Variants in USP35 observed in about 807,000 individuals in gnomAD.
USP35 encodes ubiquitin specific peptidase 35.
Under a neutral mutation model 83.8 loss-of-function variants are expected in USP35, and 69 were observed. The observed-to-expected ratio is 0.82, with a 90% CI of 0.68 to 1.01. The LOEUF is 1.01. USP35 is among the 50% of genes least tolerant of loss of function. The pLI, the probability that USP35 is intolerant of heterozygous loss-of-function variation, is 0.00. For synonymous variants in USP35, 714 were observed against 589.5 expected, an observed-to-expected ratio of 1.21 and a Z score of -3.06; for missense variants, 1,503 against 1,362.5, an observed-to-expected ratio of 1.10 and a Z score of -1.62.
intron 6 of USP35, among the ~76,000 whole-genome samples, chr11:78,202,530 A>C (rs1863386543): frequency 6.6e-6 from 1 of 152,236 alleles, no homozygotes; most frequent in South Asian, 2.1e-4. Flanking sequence ...CCATAAAGGT[A>C]AAGTTCTACT....
intron 10 of USP35, among the ~76,000 whole-genome samples, chr11:78,211,733 C>A (rs999974934): frequency 2.0e-5 from 3 of 152,178 alleles, no homozygotes; most frequent in African/African-American, 7.2e-5. Flanking sequence ...GTTTGTTGGC[C>A]ACATGAATGA....
chr11:78,213,636 G>C lies in USP35; in HGVS notation c.2890-10G>C, dbSNP rs998252569. On this transcript the variant is annotated splice_polypyrimidine_tract_variant and intron_variant, in intron 10 of 10. Transcript: ENST00000529308. ...TCTAAGTCTAAGTCTCCTCTCATCTGTGTTCCCAGGAGCAGGAGAAGGAGG... is the reference window on the plus strand; with the variant it reads ...TCTAAGTCTAAGTCTCCTCTCATCTCTGTTCCCAGGAGCAGGAGAAGGAGG... 1 of 1,476,694 alleles carries C rather than the reference G, an allele frequency of 6.8e-7. No homozygotes were observed. The highest frequency in any genetic ancestry group is 8.9e-7 in the Non-Finnish European group (1 of 1,119,134). 91.5% of individuals were successfully genotyped at this position (1,476,694 alleles called of 1,614,324 possible).
In USP35 at chr11:78,197,959, C is replaced by T. The variant is rs763644488; in HGVS notation, c.697C>T (p.Leu233=). The T allele has an allele frequency of 3.1e-6, 5 of 1,614,076 alleles. No individual in the cohort carries two copies. In the South Asian group the frequency reaches 5.5e-5, roughly 18 times the overall value. The change falls in exon 3 of 11, where the codon CTG becomes TTG. Residue 233 remains leucine (L), a synonymous_variant. Transcript: ENST00000529308. ...CAEEEPPSSA[L]ASVVQHLPLE... is the part of the protein sequence containing the mutation. Reference sequence around the variant, plus strand: ...AGAGGAGGAGCCACCATCTAGCGCCCTGGCCAGCGTGGTCCAGCACCTCCC... The same window carrying T: ...AGAGGAGGAGCCACCATCTAGCGCCTTGGCCAGCGTGGTCCAGCACCTCCC...
At position 78,199,737 on chromosome 11, in the gene USP35, G is replaced by C; in HGVS notation, c.936+13G>C. On this transcript the variant is annotated intron_variant, in intron 4 of 10. Transcript: ENST00000529308. ...CAAAATTGAGAAGGTTGGTGCCCCTGTCCTAGCCCAGAGTTACAGCCTTTT... is the reference window on the plus strand; with the variant it reads ...CAAAATTGAGAAGGTTGGTGCCCCTCTCCTAGCCCAGAGTTACAGCCTTTT... 2 of 1,614,060 alleles carry C rather than the reference G, an allele frequency of 1.2e-6. No homozygotes were observed. Among genetic ancestry groups the C allele is most frequent in the Non-Finnish European group, 8.5e-7 (1 of 1,179,904 alleles).
At chr11:78,227,141 G>T in the USP35 span, 1 of 843,884 alleles carries the variant, frequency 1.2e-6, no homozygotes, top group Non-Finnish European at 1.9e-6. Context: ...TCTATACTTT[G>T]GTTTAGGCAT....
intron 6 of USP35, among the ~76,000 whole-genome samples, chr11:78,203,976 C>T (rs1178130926): frequency 2.2e-5 from 3 of 134,594 alleles, no homozygotes; most frequent in East Asian, 2.3e-4. Context: ...CTGCAAGCTC[C>T]GCCTCCCGGG....
chr11:78,211,065 G>A (rs1374544603), intron 10 of USP35, among the ~76,000 whole-genome samples: 1 of 152,130 alleles, frequency 6.6e-6, no homozygotes, highest in Non-Finnish European at 1.5e-5. Context: ...CCCTGTATCT[G>A]TTAGCTATTC....
chr11:78,220,449 C>A, the USP35 span: 2 of 1,559,630 alleles, frequency 1.3e-6, no homozygotes, highest in Non-Finnish European at 1.7e-6. Context: ...GTTTTGCTGT[C>A]ACGAGGAGGA....
chr11:78,213,554 A>G, intron 10 of USP35, 92 bp from the exon 11 acceptor site: 1 of 1,370,730 alleles, frequency 7.3e-7, no homozygotes, highest in Non-Finnish European at 9.5e-7. Context: ...GGGGACCTAG[A>G]GGAAACATTG....
chr11:78,227,631 C>CAAAAAAAAAAAAAAAAAAAAAAAAAAAA, the USP35 span, among the ~76,000 whole-genome samples: 17 of 106,078 alleles, frequency 1.6e-4, no homozygotes, highest in African/African-American at 5.8e-4. Context: ...CCATTGCCAC[C>CAAAAAAAAAAAAAAAAAAAAAAAAAAAA]AAAAAAAAAA....
intron 1 of USP35, among the ~76,000 whole-genome samples, chr11:78,194,306 C>T (rs373876468): frequency 6.6e-6 from 1 of 152,188 alleles, no homozygotes; most frequent in African/African-American, 2.4e-5. Context: ...GGTTAGGTCA[C>T]AGCTGAGAAC....
intron 10 of USP35, among the ~76,000 whole-genome samples, chr11:78,213,001 C>T (rs1412366122): frequency 6.6e-6 from 1 of 152,198 alleles, no homozygotes; most frequent in African/African-American, 2.4e-5. Flanking sequence ...GCAGCTGGAA[C>T]AGCATGGGCT....
At chr11:78,234,282 C>A in the USP35 span, among the ~76,000 whole-genome samples, 1 of 152,114 alleles carries the variant, frequency 6.6e-6, no homozygotes, top group African/African-American at 2.4e-5. Context: ...TGGGTTTTGC[C>A]ATGTTATCCA....
the USP35 span, among the ~76,000 whole-genome samples, chr11:78,225,630 A>G: frequency 2.0e-5 from 3 of 152,256 alleles, no homozygotes; most frequent in African/African-American, 7.2e-5. Context: ...TCTCAGTTCC[A>G]AAACGGAGTA....
the USP35 span, among the ~76,000 whole-genome samples, chr11:78,223,203 A>C: frequency 6.6e-6 from 1 of 152,178 alleles, no homozygotes; most frequent in African/African-American, 2.4e-5. Context: ...CTATGTACCA[A>C]AGTACTATCC....
At chr11:78,232,753 G>GAGAT in the USP35 span, among the ~76,000 whole-genome samples, 8 of 152,060 alleles carry the variant, frequency 5.3e-5, no homozygotes, top group East Asian at 1.6e-3. Context: ...AATGAAAAAA[G>GAGAT]AGATAGATAG....
chr11:78,232,130 C>A, the USP35 span, among the ~76,000 whole-genome samples: 1 of 152,202 alleles, frequency 6.6e-6, no homozygotes. Context: ...TGCCTTTGGT[C>A]AGTCAATCAA....
chr11:78,232,443 A>G, the USP35 span, among the ~76,000 whole-genome samples: 23 of 152,368 alleles, frequency 1.5e-4, no homozygotes, highest in African/African-American at 4.6e-4. Context: ...GAGGACAAAA[A>G]TAAGTCCAGT....
rs750175452 is a variant in USP35, at chr11:78,205,825, GCTTATTCCCTCCT to G, written c.1198-15_1198-3del. Reference sequence around the variant, plus strand: ...CTGGTGCCCACCATCCTGCCTGCCTGCTTATTCCCTCCTCAGGACCTCCATGTTCCCAATGAGG... The same window carrying G: ...CTGGTGCCCACCATCCTGCCTGCCTGCAGGACCTCCATGTTCCCAATGAGG... On this transcript the variant is annotated splice_region_variant and splice_polypyrimidine_tract_variant and intron_variant, in intron 6 of 10. Transcript: ENST00000529308. The G allele has an allele frequency of 6.3e-7, 1 of 1,599,818 alleles. No individual in the cohort carries two copies. The highest frequency in any genetic ancestry group is 1.3e-5 in the African/African-American group (1 of 74,700).
Sources: gnomAD v4.1 joint callset for allele counts (sites outside exome capture counted in the v4.1 genomes callset) on GRCh38, gnomAD v4.1.1 for gene constraint, MANE v1.5 for transcripts, NCBI Gene and HGNC (gene_info 2026-07-23, HGNC 2026-07-21) for gene names.